Variants in SND1 observed in about 807,000 individuals in gnomAD.
SND1 encodes staphylococcal nuclease domain-containing protein 1.
SND1 carries 38 observed loss-of-function variants against 121.7 expected under a neutral mutation model. The ratio of observed to expected loss-of-function variants is 0.31; its 90% CI spans 0.24 to 0.41. The LOEUF (loss-of-function observed/expected upper bound fraction) is 0.41. Among genes scored for constraint, SND1 ranks in the 10% least tolerant of loss-of-function variants. The pLI is 1.00. For missense variants in SND1, 868 were observed against 1,184.6 expected (o/e 0.73, Z 3.92); for synonymous variants, 401 against 447.4 (o/e 0.90, Z 1.31).
intron 10 of SND1, among the ~76,000 whole-genome samples, chr7:127,721,980 T>C (rs753394884): frequency 9.2e-5 from 14 of 152,178 alleles, no homozygotes; most frequent in Non-Finnish European, 1.8e-4. Flanking sequence ...ATGCTTTGTA[T>C]GAAAACTCTA....
chr7:127,673,094 T>C, intron 1 of SND1, among the ~76,000 whole-genome samples: 1 of 149,196 alleles, frequency 6.7e-6, no homozygotes, highest in South Asian at 2.1e-4. Flanking sequence ...TATTTAGTAA[T>C]ATATATCCTT....
intron 12 of SND1, among the ~76,000 whole-genome samples, chr7:127,867,674 G>T (rs570391288): frequency 2.0e-5 from 3 of 152,126 alleles, no homozygotes; most frequent in Non-Finnish European, 4.4e-5. Context: ...TATGCTGTCA[G>T]TGTAGAATAA....
In SND1 at chr7:127,722,668, G is replaced by A. The variant is rs538630286; in HGVS notation, c.1152+1268G>A. Among the ~76,000 whole-genome samples the A allele has an allele frequency of 1.7e-3, 252 of 152,228 alleles. 1 individual carries two copies. The highest frequency in any genetic ancestry group is 2.5e-3 in the Non-Finnish European group (171 of 67,996). Reference sequence around the variant, plus strand: ...TGGTGCATTCACAAGTTGAAATTCAGCATTGTTTTCATTTGTGTGAGAGTT... The same window carrying A: ...TGGTGCATTCACAAGTTGAAATTCAACATTGTTTTCATTTGTGTGAGAGTT... On this transcript the variant is annotated intron_variant, in intron 10 of 23. Coordinates refer to ENST00000354725, the MANE Select transcript of SND1 (RefSeq NM_014390.4).
chr7:127,759,691 GTATATT>G (rs60418099), intron 10 of SND1, among the ~76,000 whole-genome samples: 45,864 of 151,624 alleles, frequency 0.3, 7,542 homozygotes, highest in African/African-American at 0.44. Context: ...ACATCCATAC[GTATATT>G]TATGTCTGTA....
At chr7:128,017,706 T>C (rs76783333) in intron 16 of SND1, among the ~76,000 whole-genome samples, 9,374 of 152,300 alleles carry the variant, frequency 0.062, 855 homozygotes, top group African/African-American at 0.19. Context: ...GGGCAAACTC[T>C]TTACCCTTGT....
chr7:127,860,799 C>T (rs1188073713), intron 12 of SND1, among the ~76,000 whole-genome samples: 1 of 152,010 alleles, frequency 6.6e-6, no homozygotes, highest in African/African-American at 2.4e-5. Flanking sequence ...TTGTGTATCT[C>T]GAAGTAATAA....
chr7:127,763,011 A>G (rs1347108277), intron 10 of SND1, among the ~76,000 whole-genome samples: 2 of 152,182 alleles, frequency 1.3e-5, no homozygotes, highest in African/African-American at 4.8e-5. Flanking sequence ...CTTTGTGCCT[A>G]AAGATGTTTA....
chr7:127,886,731 A>G (rs1426491752), intron 12 of SND1, among the ~76,000 whole-genome samples: 1 of 151,920 alleles, frequency 6.6e-6, no homozygotes, highest in Admixed American at 6.6e-5. Flanking sequence ...GAACCATTCA[A>G]ATATGTATCA....
chr7:128,035,773 G>A (rs192896548), intron 16 of SND1, among the ~76,000 whole-genome samples: 26 of 152,290 alleles, frequency 1.7e-4, no homozygotes, highest in Admixed American at 1.4e-3. Context: ...ACTTTGGGTC[G>A]CCAATAGAAA....
chr7:127,703,186 G>C lies in SND1; in HGVS notation c.703G>C (p.Ala235Pro), dbSNP rs1210678554. The change falls in exon 7 of 24, where the codon GCA becomes CCA. Residue 235 changes from alanine (A) to proline (P), a missense_variant. This residue lies in a region of SND1 where 743 missense variants were observed against 1,071.3 expected (regional missense o/e 0.69). Transcript: ENST00000354725. ...GIKCPTFRRE[A>P]DGSETPEPFA... ...TTAGTGCCCAACTTTTCGACGGGAA[G>C]CAGATGGCAGTGAAACTCCAGAGCC... 2 of 1,614,112 alleles carry C rather than the reference G, an allele frequency of 1.2e-6. No individual in the cohort carries two copies. Among genetic ancestry groups the C allele is most frequent in the South Asian group, 2.2e-5 (2 of 91,086 alleles).
At chr7:127,780,457 G>A (rs1193636485) in intron 10 of SND1, among the ~76,000 whole-genome samples, 1 of 152,162 alleles carries the variant, frequency 6.6e-6, no homozygotes, top group East Asian at 1.9e-4. Flanking sequence ...CCAGTGTCCT[G>A]ATATTACAGA....
chr7:127,853,206 G>A (rs1053890779), intron 12 of SND1, among the ~76,000 whole-genome samples: 3 of 152,090 alleles, frequency 2.0e-5, no homozygotes, highest in Non-Finnish European at 2.9e-5. Flanking sequence ...GGATTATTTT[G>A]CAAGTGGGGG....
rs1563058996 is a variant in SND1, at chr7:127,922,194, T to TG, written c.1528-6994_1528-6993insG. Among the ~76,000 whole-genome samples the TG allele has an allele frequency of 2.5e-3, 158 of 63,634 alleles. 1 individual carries two copies. The highest frequency in any genetic ancestry group is 7.3e-3 in the East Asian group (6 of 826). The allele number at this position is 63,634 out of a possible 152,430, so 41.7% of individuals were successfully genotyped here. ...TCTTTCCTTTTTTTTTTTTTTTTTT[T>TG]TTTTTTTTTGTTTTGTGAGGCAAGA... On this transcript the variant is annotated intron_variant, in intron 14 of 23. Coordinates refer to ENST00000354725, the MANE Select transcript of SND1 (RefSeq NM_014390.4).
At chr7:127,923,986 CT>C (rs60504299) in intron 14 of SND1, among the ~76,000 whole-genome samples, 42,432 of 146,874 alleles carry the variant, frequency 0.29, 7,456 homozygotes, top group East Asian at 0.7. Flanking sequence ...GATCTCCACA[CT>C]TTTTTTTTTT....
At chr7:128,078,338 G>A (rs1397531848) in intron 17 of SND1, among the ~76,000 whole-genome samples, 1 of 152,248 alleles carries the variant, frequency 6.6e-6, no homozygotes, top group African/African-American at 2.4e-5. Context: ...CCAAAGGTCA[G>A]CCTCTCCTAG....
chr7:127,969,795 G>T (rs1338897498), intron 15 of SND1, among the ~76,000 whole-genome samples: 2 of 152,170 alleles, frequency 1.3e-5, no homozygotes, highest in Non-Finnish European at 2.9e-5. Context: ...TTTGAGGGAT[G>T]CACTTTACTG....
At chr7:127,858,264 C>T (rs545482647) in intron 12 of SND1, 133 of 795,244 alleles carry the variant, frequency 1.7e-4, no homozygotes, top group Non-Finnish European at 2.6e-4. Flanking sequence ...TCGGCCAATT[C>T]GGAGAGCCGG....
Position 127,701,262 on chromosome 7 carries a change from C to T in SND1, c.528C>T (p.Leu176=). ...EGNGSHTIRD[L]KYTIENPRHF... is the part of the protein sequence containing the mutation. ...ACGGTTCACATACTATCCGGGATCT[C>T]AAGTATACCATTGAAAACCCAAGGC... Residue 176 remains leucine, a synonymous_variant, in exon 5 of 24, where the codon CTC becomes CTT. Transcript: ENST00000354725. 1.2e-6 allele frequency: 2 copies of T among 1,614,036 alleles called. No individual in the cohort carries two copies. Among genetic ancestry groups the T allele is most frequent in the Non-Finnish European group, 1.7e-6 (2 of 1,179,962 alleles).
chr7:127,736,622 GAT>G (rs1275679322), intron 10 of SND1, among the ~76,000 whole-genome samples: 3 of 152,220 alleles, frequency 2.0e-5, no homozygotes, highest in Non-Finnish European at 2.9e-5. Context: ...TTGTACCACA[GAT>G]ACATGTTCCC....
Sources: allele counts gnomAD v4.1 joint callset (sites outside exome capture counted in the v4.1 genomes callset), GRCh38; gene constraint gnomAD v4.1.1; regional missense constraint gnomAD v4.1.1; transcripts MANE v1.5; gene names NCBI Gene and HGNC (gene_info 2026-07-23, HGNC 2026-07-21).